The following ERCC6L2 variants were observed in gnomAD, a reference collection of about 807,000 sequenced individuals.
ERCC6L2 encodes ERCC excision repair 6 like 2, also known as DNA excision repair protein ERCC-6-like 2.
ERCC6L2 carries 77 observed loss-of-function variants against 132.0 expected under a neutral mutation model. That is an observed-to-expected ratio of 0.58 (90% CI 0.49 to 0.71). The LOEUF (loss-of-function observed/expected upper bound fraction) is 0.71, where lower values mean the gene tolerates loss of function less well. Among genes scored for constraint, ERCC6L2 ranks in the 30% least tolerant of loss-of-function variants. The pLI is 0.00. For missense variants in ERCC6L2, 1,542 were observed against 1,837.6 expected (o/e 0.84, Z 2.94); for synonymous variants, 583 against 632.4 (o/e 0.92, Z 1.17).
Position 95,966,651 on chromosome 9 carries a change from TG to T in ERCC6L2, c.2040del (p.Ile681SerfsTer25). 6.5e-7 allele frequency: 1 copy of T among 1,547,844 alleles called. No homozygotes were observed. The highest frequency in any genetic ancestry group is 1.2e-5 in the South Asian group (1 of 81,648). On this transcript the variant is annotated frameshift_variant, in exon 14 of 19. Transcript: ENST00000653738. LOFTEE classifies it high-confidence loss of function. The stretch of plus-strand genomic sequence containing the variant: ...CTAAAGAGCATCAAGGAGAGCTTTT[TG>T]GGATCCATAACCTCTTCAAATTTAG... ...GSKEHQGELFGIHNLFKFRSQ... is the reference protein window; with the variant it reads ...GSKEHQGELFXIHNLFKFRSQ...
intron 1 of ERCC6L2, 55 bp downstream of exon 1, chr9:95,876,139 G>A: frequency 6.7e-7 from 1 of 1,502,000 alleles, no homozygotes; most frequent in Admixed American, 2.0e-5. Context: ...CGTCGCGTTG[G>A]ACCAGTTCTT....
At chr9:95,914,897 T>A (rs565314423) in intron 4 of ERCC6L2, among the ~76,000 whole-genome samples, 9 of 152,252 alleles carry the variant, frequency 5.9e-5, no homozygotes, top group Admixed American at 2.0e-4. Context: ...AAAGTTTGAG[T>A]TCATATTTAG....
chr9:95,937,840 T>C (rs935706011), intron 11 of ERCC6L2, among the ~76,000 whole-genome samples: 1 of 151,536 alleles, frequency 6.6e-6, no homozygotes, highest in Non-Finnish European at 1.5e-5. Context: ...ATTATTTCCT[T>C]TCTTCTGCTT....
intron 12 of ERCC6L2, among the ~76,000 whole-genome samples, chr9:95,949,789 C>G (rs369109420): frequency 6.6e-6 from 1 of 152,100 alleles, no homozygotes; most frequent in East Asian, 1.9e-4. Context: ...ATGGGTGGAT[C>G]ATGAGGTCAG....
chr9:95,880,022 C>T (rs1448965413), intron 1 of ERCC6L2, among the ~76,000 whole-genome samples: 1 of 152,108 alleles, frequency 6.6e-6, no homozygotes, highest in Non-Finnish European at 1.5e-5. Context: ...CCTCCTCATT[C>T]ATAGTGGTAT....
At position 96,004,569 on chromosome 9, in the gene ERCC6L2, G is replaced by T; in HGVS notation, c.3542G>T (p.Gly1181Val). ...DADTLPHTKK[G>V]QQPSEGSISL... Reference sequence around the variant, plus strand: ...GATACATTGCCACACACAAAGAAAGGCCAGCAACCGAGTGAAGGCAGCATT... The same window carrying T: ...GATACATTGCCACACACAAAGAAAGTCCAGCAACCGAGTGAAGGCAGCATT... Residue 1181 changes from glycine to valine, a missense_variant, in exon 18 of 19, where the codon GGC becomes GTC. Around this residue, in one of 4 missense-constraint regions of ERCC6L2, gnomAD observed 442 missense variants for 583.4 expected, o/e 0.76. Coordinates refer to ENST00000653738, the MANE Select transcript of ERCC6L2 (RefSeq NM_020207.7). 7.6e-7 allele frequency: 1 copy of T among 1,310,172 alleles called. No individual in the cohort carries two copies. The allele number at this position is 1,310,172 out of a possible 1,614,324, so 81.2% of individuals were successfully genotyped here.
At chr9:96,033,204 A>G (rs746167758) in intron 19 of ERCC6L2, among the ~76,000 whole-genome samples, 11 of 151,830 alleles carry the variant, frequency 7.2e-5, no homozygotes, top group Non-Finnish European at 1.6e-4. Context: ...TGAATCTGAC[A>G]TATTATACCT....
At chr9:95,941,629 A>G in intron 12 of ERCC6L2, 80 bp downstream of exon 12, 2 of 990,614 alleles carry the variant, frequency 2.0e-6, no homozygotes, top group Admixed American at 1.9e-5. Flanking sequence ...GGTTGCTTAT[A>G]CTATGACTAT....
At chr9:96,027,020 C>T (rs1834384174) in intron 19 of ERCC6L2, among the ~76,000 whole-genome samples, 1 of 149,248 alleles carries the variant, frequency 6.7e-6, no homozygotes. Flanking sequence ...ACACACACCA[C>T]ATACCCCACA....
At chr9:95,883,468 C>T (rs1478745123) in intron 2 of ERCC6L2, among the ~76,000 whole-genome samples, 1 of 152,104 alleles carries the variant, frequency 6.6e-6, no homozygotes, top group Non-Finnish European at 1.5e-5. Context: ...TAATTAAAGC[C>T]CTGCTGTAAC....
At chr9:96,026,450 C>T (rs1056079809) in intron 19 of ERCC6L2, among the ~76,000 whole-genome samples, 5 of 152,046 alleles carry the variant, frequency 3.3e-5, no homozygotes, top group Non-Finnish European at 7.4e-5. Flanking sequence ...GGGGGAAGCG[C>T]GGGGAAGCGC....
chr9:96,036,662 C>G (rs1191563002), intron 19 of ERCC6L2, among the ~76,000 whole-genome samples: 1 of 152,080 alleles, frequency 6.6e-6, no homozygotes, highest in Admixed American at 6.5e-5. Flanking sequence ...TTCTCACGTC[C>G]TTTCCAATAA....
At chr9:95,918,477 C>T in intron 6 of ERCC6L2, 1 of 495,668 alleles carries the variant, frequency 2.0e-6, no homozygotes, top group South Asian at 1.5e-5. Flanking sequence ...TCTGTTGGCT[C>T]ATGAAATAGG....
At chr9:95,904,309 T>A (rs1828925637) in intron 3 of ERCC6L2, among the ~76,000 whole-genome samples, 1 of 152,134 alleles carries the variant, frequency 6.6e-6, no homozygotes, top group South Asian at 2.1e-4. Flanking sequence ...TCTGAACATA[T>A]ATTATTATTC....
At chr9:96,033,552 T>C (rs867526107) in intron 19 of ERCC6L2, among the ~76,000 whole-genome samples, 10 of 152,188 alleles carry the variant, frequency 6.6e-5, no homozygotes, top group African/African-American at 1.9e-4. Context: ...TGGCCATAAA[T>C]GAATCTTAAA....
At chr9:96,030,167 T>G (rs1175388416) in intron 19 of ERCC6L2, among the ~76,000 whole-genome samples, 1 of 152,150 alleles carries the variant, frequency 6.6e-6, no homozygotes, top group Non-Finnish European at 1.5e-5. Context: ...GTTTGTAAAA[T>G]GGACCAATCA....
chr9:96,010,289 A>T (rs1028422878), intron 18 of ERCC6L2, among the ~76,000 whole-genome samples: 1 of 152,250 alleles, frequency 6.6e-6, no homozygotes, highest in Non-Finnish European at 1.5e-5. Flanking sequence ...CCACAGGCCC[A>T]TCTGAAGCCA....
chr9:95,973,918 G>A (rs1420370410), intron 16 of ERCC6L2, among the ~76,000 whole-genome samples: 1 of 152,090 alleles, frequency 6.6e-6, no homozygotes, highest in Non-Finnish European at 1.5e-5. Flanking sequence ...CCCTCAGTTT[G>A]CATTTTGCTA....
chr9:95,895,259 C>T (rs1828390828), intron 2 of ERCC6L2, among the ~76,000 whole-genome samples: 1 of 151,812 alleles, frequency 6.6e-6, no homozygotes, highest in East Asian at 1.9e-4. Context: ...TATCAATTTT[C>T]TTTGATTTTT....
Sources: gnomAD v4.1 joint callset for allele counts (sites outside exome capture counted in the v4.1 genomes callset) on GRCh38, gnomAD v4.1.1 for gene constraint, gnomAD v4.1.1 regional missense constraint, MANE v1.5 for transcripts, NCBI Gene and HGNC (gene_info 2026-07-23, HGNC 2026-07-21) for gene names.